The following LINGO3 variants were observed in gnomAD, a reference collection of about 807,000 sequenced individuals.
LINGO3 encodes leucine rich repeat and Ig domain containing 3.
For missense variants in LINGO3, 750 were observed against 867.7 expected (o/e 0.86, Z 1.70); for synonymous variants, 427 against 444.2 (o/e 0.96, Z 0.49).
chr19:2,292,190 T>TA (rs35830745), upstream of LINGO3, among the ~76,000 whole-genome samples: 906 of 140,898 alleles, frequency 6.4e-3, 16 homozygotes, highest in African/African-American at 0.02. Context: ...CCCTGTCTCT[T>TA]AAAAAAAAAA....
chr19:2,288,791 G>A (rs533983230), downstream of LINGO3, among the ~76,000 whole-genome samples: 72 of 152,304 alleles, frequency 4.7e-4, 1 homozygote, highest in Admixed American at 3.9e-3. This position sits in a 1 kb window ranked among gnomAD's most constrained non-coding sequence, Gnocchi z 6.5. Context: ...CTGAGCAGGC[G>A]CTGGGGTGGG....
chr19:2,304,943 C>A, the LINGO3 span, among the ~76,000 whole-genome samples: 14 of 151,922 alleles, frequency 9.2e-5, no homozygotes, highest in Non-Finnish European at 1.6e-4. Context: ...TCCTGATCTC[C>A]AGTGATCTGC....
chr19:2,299,493 G>A, the LINGO3 span, among the ~76,000 whole-genome samples: 11 of 151,246 alleles, frequency 7.3e-5, no homozygotes, highest in Admixed American at 2.6e-4. Context: ...GTGCGATCTC[G>A]GCTCACTGCA....
At chr19:2,289,392 T>C (rs2025495183), downstream of LINGO3, among the ~76,000 whole-genome samples, 2 of 152,148 alleles carry the variant, frequency 1.3e-5, no homozygotes, top group East Asian at 1.9e-4. Flanking sequence ...GCCCCGGGTC[T>C]GGTTTTAGTG....
chr19:2,294,185 C>T (rs753600592), upstream of LINGO3, among the ~76,000 whole-genome samples: 12 of 152,292 alleles, frequency 7.9e-5, no homozygotes, highest in African/African-American at 1.7e-4. The surrounding 1 kb of genome is among the most constrained non-coding windows in gnomAD (Gnocchi z 4.3). Context: ...CCTTTTCCAA[C>T]GACTCCTGTC....
chr19:2,291,374 C>T (rs1394671724), exon 1 of LINGO3: 2 of 1,613,356 alleles, frequency 1.2e-6, no homozygotes, highest in African/African-American at 1.3e-5. Flanking sequence ...AGCTTGTTCT[C>T]GCTCAGGTCC....
At chr19:2,291,420 G>T (rs998059803) in exon 1 of LINGO3, 3 of 1,613,302 alleles carry the variant, frequency 1.9e-6, no homozygotes, top group Non-Finnish European at 8.5e-7. Flanking sequence ...TGAAGACCCC[G>T]GGCGGGATGA....
the LINGO3 span, among the ~76,000 whole-genome samples, chr19:2,303,805 G>A: frequency 6.6e-6 from 1 of 152,228 alleles, no homozygotes; most frequent in Non-Finnish European, 1.5e-5. Context: ...GCCAATGATG[G>A]AGCATGGGGA....
At chr19:2,306,777 C>T in the LINGO3 span, among the ~76,000 whole-genome samples, 1 of 152,164 alleles carries the variant, frequency 6.6e-6, no homozygotes. Flanking sequence ...CCGGCTGCCC[C>T]CTTCCTGCCA....
At chr19:2,296,239 C>A (rs117758606), upstream of LINGO3, among the ~76,000 whole-genome samples, 5 of 152,178 alleles carry the variant, frequency 3.3e-5, no homozygotes, top group African/African-American at 1.2e-4. Flanking sequence ...GCACCTCCCC[C>A]CTTACTGTCC....
chr19:2,303,376 G>A, the LINGO3 span, among the ~76,000 whole-genome samples: 3 of 152,228 alleles, frequency 2.0e-5, no homozygotes, highest in Non-Finnish European at 2.9e-5. Context: ...GGTCTGTTCC[G>A]GGCTGTGGCT....
the LINGO3 span, among the ~76,000 whole-genome samples, chr19:2,303,152 C>T: frequency 6.6e-6 from 1 of 152,238 alleles, no homozygotes; most frequent in South Asian, 2.1e-4. Context: ...CCAGCCCGGA[C>T]CCCCACCCAT....
At chr19:2,291,764 G>A (rs2080291047) in exon 1 of LINGO3, 5 of 1,386,374 alleles carry the variant, frequency 3.6e-6, no homozygotes, top group Non-Finnish European at 4.6e-6. Flanking sequence ...AGGACGCACA[G>A]CCAGCAGGTC....
the LINGO3 span, among the ~76,000 whole-genome samples, chr19:2,297,791 G>A: frequency 3.3e-5 from 5 of 152,060 alleles, no homozygotes; most frequent in Non-Finnish European, 5.9e-5. Flanking sequence ...TTTTAGTAGC[G>A]ATGGGGTTTC....
At chr19:2,303,894 C>T in the LINGO3 span, among the ~76,000 whole-genome samples, 4 of 152,250 alleles carry the variant, frequency 2.6e-5, no homozygotes, top group Admixed American at 1.3e-4. Flanking sequence ...CGGGTCCTCA[C>T]CTGAATCGGC....
At chr19:2,304,710 C>CTTTTTTT in the LINGO3 span, among the ~76,000 whole-genome samples, 29 of 73,214 alleles carry the variant, frequency 4.0e-4, 1 homozygote, top group Admixed American at 8.0e-4. Flanking sequence ...CCATGTCCTG[C>CTTTTTTT]TTTTTTTTTT....
At chr19:2,295,209 T>G (rs1453960144), upstream of LINGO3, among the ~76,000 whole-genome samples, 2 of 152,134 alleles carry the variant, frequency 1.3e-5, no homozygotes, top group African/African-American at 2.4e-5. Flanking sequence ...GGGAGAGCCC[T>G]AATTCAATGA....
chr19:2,294,254 G>A (rs761167687), upstream of LINGO3, among the ~76,000 whole-genome samples: 14 of 152,226 alleles, frequency 9.2e-5, no homozygotes, highest in South Asian at 2.1e-4. This position sits in a 1 kb window ranked among gnomAD's most constrained non-coding sequence, Gnocchi z 4.3. Context: ...AAATAGAGCC[G>A]TGTGAACACG....
rs758289892 is a variant in LINGO3, at chr19:2,290,996, C to G, written c.781G>C (p.Val261Leu). Residue 261 changes from valine to leucine, a missense_variant, in exon 1 of 1, where the codon GTG (valine) becomes CTG (leucine). By Grantham distance (32) the Val-to-Leu change is conservative. Transcript: ENST00000585527. The surrounding 1 kb of genome is among the most constrained non-coding windows in gnomAD (Gnocchi z 6.0). The stretch of plus-strand genomic sequence containing the variant: ...TGGTGCCGCAGCGCGGCGGCCGGCA[C>G]GGCGGTGATGTTGGTGTGGGTGACC... 1 of 1,611,488 alleles carries G rather than the reference C, an allele frequency of 6.2e-7. No individual in the cohort carries two copies. The highest frequency in any genetic ancestry group is 1.1e-5 in the South Asian group (1 of 91,024).
Sources: gnomAD v4.1 joint callset for allele counts (sites outside exome capture counted in the v4.1 genomes callset) on GRCh38, gnomAD v4.1.1 for gene constraint, Gnocchi (gnomAD v3.1) non-coding constraint, MANE v1.5 for transcripts, NCBI Gene and HGNC (gene_info 2026-07-23, HGNC 2026-07-21) for gene names.